Variants in DTNA observed in about 807,000 individuals in gnomAD.
DTNA encodes the protein dystrobrevin alpha.
DTNA carries 43 observed loss-of-function variants against 100.7 expected under a neutral mutation model. That is an observed-to-expected ratio of 0.43 (90% CI 0.33 to 0.55). The LOEUF (loss-of-function observed/expected upper bound fraction) is 0.55, where lower values mean the gene tolerates loss of function less well. DTNA is among the 20% of genes least tolerant of loss of function. DTNA has a pLI of 0.04. For synonymous variants in DTNA, 349 were observed against 347.9 expected, an observed-to-expected ratio of 1.00 and a Z score of -0.04; for missense variants, 798 against 953.9, an observed-to-expected ratio of 0.84 and a Z score of 2.15.
At chr18:34,611,483 A>G (rs2054199086) in intron 1 of DTNA, among the ~76,000 whole-genome samples, 1 of 152,194 alleles carries the variant, frequency 6.6e-6, no homozygotes, top group Non-Finnish European at 1.5e-5. Context: ...CTCTTAAGCA[A>G]GGAACAAGTT....
At chr18:34,794,276 C>G (rs776759069) in intron 4 of DTNA, 26 bp downstream of exon 4, 21 of 1,613,474 alleles carry the variant, frequency 1.3e-5, no homozygotes, top group Non-Finnish European at 1.7e-5. Context: ...ATGTCTGTTC[C>G]TCTCTACATG....
chr18:34,630,619 T>A (rs2057954213), intron 1 of DTNA, among the ~76,000 whole-genome samples: 1 of 152,086 alleles, frequency 6.6e-6, no homozygotes, highest in African/African-American at 2.4e-5. Context: ...GTAAAGAGTG[T>A]CAGTTTCCTG....
At chr18:34,812,178 C>G (rs1361468310) in intron 6 of DTNA, 65 bp downstream of exon 6, 1 of 1,602,394 alleles carries the variant, frequency 6.2e-7, no homozygotes, top group Non-Finnish European at 8.5e-7. Flanking sequence ...TTCTAGATGT[C>G]ATTCCAGGTC....
At chr18:34,756,094 T>A (rs376598655) in intron 2 of DTNA, 51 bp downstream of exon 2, 3 of 1,557,054 alleles carry the variant, frequency 1.9e-6, no homozygotes. Context: ...TGAATACTCA[T>A]GGAAAGGCTA....
chr18:34,714,096 G>C (rs1600671246), intron 1 of DTNA, among the ~76,000 whole-genome samples: 1 of 151,982 alleles, frequency 6.6e-6, no homozygotes, highest in African/African-American at 2.4e-5. Context: ...ATGGATTAAA[G>C]ACTTAAACGT....
chr18:34,495,650 G>A (rs1270156423), intron 1 of DTNA, among the ~76,000 whole-genome samples: 1 of 152,150 alleles, frequency 6.6e-6, no homozygotes, highest in Admixed American at 6.5e-5. Context: ...GTGATTAAAA[G>A]CAAGCTGTAT....
chr18:34,676,152 C>G (rs1340583740), intron 1 of DTNA, among the ~76,000 whole-genome samples: 1 of 147,836 alleles, frequency 6.8e-6, no homozygotes, highest in Non-Finnish European at 1.5e-5. Context: ...CAAATCCTAC[C>G]ACTACAAATG....
Position 34,891,513 on chromosome 18 carries a change from G to A in DTNA, c.*3779G>A, listed in dbSNP as rs1397729351. On this transcript the variant is annotated 3_prime_UTR_variant, in exon 23 of 23. Transcript: ENST00000444659. Reference sequence around the variant, plus strand: ...CTTGCAGTTTAAAGCAGGACCCATTGATGGAATATTGAGCCACCGAGGCAA... The same window carrying A: ...CTTGCAGTTTAAAGCAGGACCCATTAATGGAATATTGAGCCACCGAGGCAA... 6.6e-6 allele frequency: 1 copy of A among 152,188 alleles called. No homozygotes were observed. The highest frequency in any genetic ancestry group is 2.4e-5 in the African/African-American group (1 of 41,442). 9.4% of individuals were successfully genotyped at this position (152,188 alleles called of 1,614,324 possible).
chr18:34,652,079 G>GA (rs1258080729), intron 1 of DTNA, among the ~76,000 whole-genome samples: 1 of 138,398 alleles, frequency 7.2e-6, no homozygotes, highest in African/African-American at 2.9e-5. Flanking sequence ...AGAAAGAAAA[G>GA]AAAAAAGGAA....
Position 34,882,212 on chromosome 18 carries a change from C to A in DTNA, c.2295+11C>A. The A allele has an allele frequency of 6.2e-7, 1 of 1,613,480 alleles. No homozygotes were observed. The highest frequency in any genetic ancestry group is 1.3e-5 in the African/African-American group (1 of 74,984). ...GATGAAGCTTATCAGGTACAGGGAT[C>A]CAGGCCCACCCCACCCCACCTCTTC... On this transcript the variant is annotated intron_variant, in intron 21 of 22. Coordinates refer to ENST00000444659, the MANE Select transcript of DTNA (RefSeq NM_001386795.1).
At chr18:34,785,284 T>A (rs2094471887) in intron 3 of DTNA, among the ~76,000 whole-genome samples, 1 of 152,130 alleles carries the variant, frequency 6.6e-6, no homozygotes, top group African/African-American at 2.4e-5. Flanking sequence ...ATTTATAACA[T>A]CATTTCATCC....
At chr18:34,866,099 A>G (rs377109206) in intron 17 of DTNA, 3 of 1,614,018 alleles carry the variant, frequency 1.9e-6, no homozygotes, top group South Asian at 2.2e-5. Context: ...TATTGATTCA[A>G]TCTTTCTGTA....
At chr18:34,590,023 G>A (rs1487748113) in intron 1 of DTNA, among the ~76,000 whole-genome samples, 1 of 152,118 alleles carries the variant, frequency 6.6e-6, no homozygotes, top group East Asian at 1.9e-4. Flanking sequence ...CACTTTGGTT[G>A]TTCCCACATC....
At chr18:34,702,447 A>G (rs1169695914) in intron 1 of DTNA, among the ~76,000 whole-genome samples, 1 of 152,226 alleles carries the variant, frequency 6.6e-6, no homozygotes, top group Non-Finnish European at 1.5e-5. Context: ...CTTGCCCTTC[A>G]TAAGACAACT....
At chr18:34,671,303 A>T (rs955149462) in intron 1 of DTNA, among the ~76,000 whole-genome samples, 2 of 152,144 alleles carry the variant, frequency 1.3e-5, no homozygotes, top group African/African-American at 4.8e-5. Flanking sequence ...GATGGGAGTG[A>T]ACCGATTTTC....
chr18:34,721,594 A>C (rs1279425658), intron 1 of DTNA, among the ~76,000 whole-genome samples: 1 of 152,242 alleles, frequency 6.6e-6, no homozygotes, highest in Admixed American at 6.5e-5. Flanking sequence ...AGTAGACTTA[A>C]AATAACTGGA....
In DTNA at chr18:34,731,567, C is replaced by T. The variant is rs148478156; in HGVS notation, c.-2+21122C>T. 2.1e-3 allele frequency among the ~76,000 whole-genome samples: 324 copies of T among 152,082 alleles called. 2 individuals are homozygous for T. Among genetic ancestry groups the T allele is most frequent in the African/African-American group, 7.3e-3 (303 of 41,480 alleles). On this transcript the variant is annotated intron_variant, in intron 1 of 22. Coordinates refer to ENST00000444659, the MANE Select transcript of DTNA (RefSeq NM_001386795.1). The stretch of plus-strand genomic sequence containing the variant: ...CACAAAGTACAGCACATAGCAAGTG[C>T]ATAATGAAGAAATGATGATGATGAT...
intron 1 of DTNA, among the ~76,000 whole-genome samples, chr18:34,652,948 G>T (rs184090606): frequency 6.6e-6 from 1 of 152,230 alleles, no homozygotes; most frequent in Non-Finnish European, 1.5e-5. Context: ...CTGGATAATG[G>T]TGACGTTATT....
chr18:34,522,072 T>G (rs763255112), intron 1 of DTNA, among the ~76,000 whole-genome samples: 3 of 152,250 alleles, frequency 2.0e-5, no homozygotes, highest in Non-Finnish European at 2.9e-5. Flanking sequence ...GTGCCTTTGA[T>G]GCTTATACAT....
Sources: allele counts gnomAD v4.1 joint callset (sites outside exome capture counted in the v4.1 genomes callset), GRCh38; gene constraint gnomAD v4.1.1; transcripts MANE v1.5; gene names NCBI Gene and HGNC (gene_info 2026-07-23, HGNC 2026-07-21).